Variants in FANCC observed in about 807,000 individuals in gnomAD.
FANCC encodes FA complementation group C, also known as Fanconi anemia group C protein.
A neutral mutation model predicts 71.3 loss-of-function variants in FANCC; 55 were observed. The observed-to-expected ratio is 0.77, with a 90% CI of 0.62 to 0.97. The LOEUF (loss-of-function observed/expected upper bound fraction) is 0.97. FANCC is among the 50% of genes least tolerant of loss of function. The pLI is 0.00. For synonymous variants in FANCC, 275 were observed against 244.9 expected (o/e 1.12, Z -1.15); for missense variants, 678 against 670.9 (o/e 1.01, Z -0.12).
intron 7 of FANCC, 53 bp from the exon 8 acceptor site, chr9:95,135,555 GA>G: frequency 6.4e-7 from 1 of 1,555,978 alleles, no homozygotes; most frequent in Non-Finnish European, 8.8e-7. Flanking sequence ...ACTGAAAAAA[GA>G]AGATTAAAAA....
chr9:95,119,161 A>C (rs961644597), intron 10 of FANCC, among the ~76,000 whole-genome samples: 5 of 152,328 alleles, frequency 3.3e-5, no homozygotes, highest in Admixed American at 3.3e-4. Context: ...GACGCTGAAC[A>C]GTTTTCATGT....
At chr9:95,153,732 G>C (rs990402859) in intron 6 of FANCC, among the ~76,000 whole-genome samples, 1 of 152,254 alleles carries the variant, frequency 6.6e-6, no homozygotes, top group African/African-American at 2.4e-5. Flanking sequence ...CAGATGCATA[G>C]TTTGCAATAT....
intron 4 of FANCC, among the ~76,000 whole-genome samples, chr9:95,228,588 A>C (rs1269431811): frequency 6.6e-6 from 1 of 152,216 alleles, no homozygotes; most frequent in African/African-American, 2.4e-5. Context: ...GGAACATGTA[A>C]CTTAGTTGGG....
chr9:95,171,080 G>A lies in FANCC; in HGVS notation c.520C>T (p.Arg174Ter), dbSNP rs781542763. The A allele has an allele frequency of 7.5e-6, 12 of 1,610,350 alleles. No individual in the cohort carries two copies. The highest frequency in any genetic ancestry group is 1.7e-4 in the Middle Eastern group (1 of 6,044). The change falls in exon 6 of 15, where the codon CGA becomes TGA. Residue 174 changes from arginine to a stop codon, truncating the protein, a stop_gained and splice_region_variant. Transcript: ENST00000289081. LOFTEE classifies it high-confidence loss of function. ...NHLNGFNTQR[R>*]MAPERVASLS... ...AAGGATGTTTAGTTTAACACCTACCGCCTTTGAGTGTTAAATCCATTAAGA... is the reference window on the plus strand; with the variant it reads ...AAGGATGTTTAGTTTAACACCTACCACCTTTGAGTGTTAAATCCATTAAGA...
chr9:95,252,996 CTCTGTGAGCTAGGATA>C (rs1588362144), intron 1 of FANCC, among the ~76,000 whole-genome samples: 2 of 151,406 alleles, frequency 1.3e-5, no homozygotes, highest in Non-Finnish European at 2.9e-5. Flanking sequence ...AGTTCAAGGC[CTCTGTGAGCTAGGATA>C]GCACCACTGC....
At chr9:95,198,700 A>G (rs541967004) in intron 4 of FANCC, among the ~76,000 whole-genome samples, 1 of 152,246 alleles carries the variant, frequency 6.6e-6, no homozygotes, top group South Asian at 2.1e-4. Flanking sequence ...AAGTATTTAC[A>G]CTGGAAATGT....
intron 1 of FANCC, among the ~76,000 whole-genome samples, chr9:95,278,794 A>ATTAAGCGAGCATAAGACTGAAAC (rs141077292): frequency 6.6e-6 from 1 of 151,730 alleles, no homozygotes; most frequent in Non-Finnish European, 1.5e-5. Flanking sequence ...TATCACGGTA[A>ATTAAGCGAGCATAAGACTGAAAC]TTATTCTACG....
intron 1 of FANCC, among the ~76,000 whole-genome samples, chr9:95,276,064 G>A (rs1833020646): frequency 1.3e-5 from 2 of 152,128 alleles, no homozygotes; most frequent in Admixed American, 1.3e-4. Flanking sequence ...TTTCCAGACA[G>A]TGAGAAAAGT....
intron 14 of FANCC, among the ~76,000 whole-genome samples, chr9:95,104,940 G>GCATT (rs753071816): frequency 1.3e-5 from 2 of 152,206 alleles, no homozygotes; most frequent in Admixed American, 6.5e-5. Flanking sequence ...GTGAGAGCAT[G>GCATT]CATTTGTCTC....
chr9:95,212,200 G>A (rs1588289360), intron 4 of FANCC, among the ~76,000 whole-genome samples: 1 of 152,094 alleles, frequency 6.6e-6, no homozygotes, highest in East Asian at 1.9e-4. Flanking sequence ...AGCACTTAAA[G>A]GAATGATAAC....
chr9:95,185,415 C>T (rs1163076659), intron 4 of FANCC, among the ~76,000 whole-genome samples: 1 of 152,102 alleles, frequency 6.6e-6, no homozygotes, highest in Non-Finnish European at 1.5e-5. Context: ...CATCCTTTAG[C>T]GAAGTAATAA....
chr9:95,282,329 G>C (rs1267952346), intron 1 of FANCC, among the ~76,000 whole-genome samples: 1 of 152,090 alleles, frequency 6.6e-6, no homozygotes, highest in Non-Finnish European at 1.5e-5. Flanking sequence ...ATTAATATAT[G>C]ATAATGGGGT....
At chr9:95,260,926 G>T (rs977096056) in intron 1 of FANCC, among the ~76,000 whole-genome samples, 1 of 152,140 alleles carries the variant, frequency 6.6e-6, no homozygotes, top group Non-Finnish European at 1.5e-5. Context: ...AGAGATAACA[G>T]TCCTAGCACT....
chr9:95,156,162 G>A (rs574424286), intron 6 of FANCC, among the ~76,000 whole-genome samples: 1 of 152,260 alleles, frequency 6.6e-6, no homozygotes, highest in East Asian at 1.9e-4. Flanking sequence ...AAAGTAATAT[G>A]AACAAATTCC....
chr9:95,245,255 A>C (rs1830891276), intron 3 of FANCC, among the ~76,000 whole-genome samples: 1 of 152,166 alleles, frequency 6.6e-6, no homozygotes, highest in South Asian at 2.1e-4. Flanking sequence ...ACTTCTGGTC[A>C]AGAAGCATCA....
In FANCC at chr9:95,099,937, C is replaced by G. The variant is rs1458161856; in HGVS notation, c.*1770G>C. On this transcript the variant is annotated 3_prime_UTR_variant, in exon 15 of 15. Transcript: ENST00000289081. ...AAGAGGCCAACCCTGTACACAGGAC[C>G]ACAGGACAGGGTGGAGGACTGTCCC... 4.3e-6 allele frequency: 1 copy of G among 232,602 alleles called. No individual in the cohort carries two copies. Among genetic ancestry groups the G allele is most frequent in the African/African-American group, 2.2e-5 (1 of 45,284 alleles). 14.4% of individuals were successfully genotyped at this position (232,602 alleles called of 1,614,324 possible).
At position 95,306,505 on chromosome 9, in the gene FANCC, G is replaced by A. The variant is rs1026139760; in HGVS notation, c.-79+11021C>T. Among the ~76,000 whole-genome samples, 17 of 152,240 alleles carry A rather than the reference G, an allele frequency of 1.1e-4. No homozygotes were observed. The East Asian group carries it at 3.3e-3, about 29-fold the overall frequency. ...GAAGCTTCAGCCCCCCTTGGACATCGAACTACTGGTGCAACAAAAAGAGCA... is the reference window on the plus strand; with the variant it reads ...GAAGCTTCAGCCCCCCTTGGACATCAAACTACTGGTGCAACAAAAAGAGCA... On this transcript the variant is annotated intron_variant, in intron 1 of 14. Coordinates refer to ENST00000289081, the MANE Select transcript of FANCC (RefSeq NM_000136.3).
intron 4 of FANCC, among the ~76,000 whole-genome samples, chr9:95,233,750 G>C (rs79294066): frequency 8.1e-4 from 123 of 152,324 alleles, no homozygotes; most frequent in African/African-American, 2.9e-3. Context: ...ACTCCAAGTA[G>C]TGCACAAGAT....
rs2071958785 is a variant in FANCC at position 95,111,784 on chromosome 9, A to G, written c.1155-147T>C. 3 of 959,154 alleles carry G rather than the reference A, an allele frequency of 3.1e-6. No homozygotes were observed. In the Admixed American group the frequency reaches 6.0e-5, roughly 19 times the overall value. The allele number at this position is 959,154 out of a possible 1,614,324, so 59.4% of individuals were successfully genotyped here. ...CCTGCAAGGAATACAATTTAGATTC[A>G]GAAAGCCTGTCCAAACGCCACTCTG... On this transcript the variant is annotated intron_variant, in intron 12 of 14. Transcript: ENST00000289081.
Sources: allele counts gnomAD v4.1 joint callset (sites outside exome capture counted in the v4.1 genomes callset), GRCh38; gene constraint gnomAD v4.1.1; transcripts MANE v1.5; gene names NCBI Gene and HGNC (gene_info 2026-07-23, HGNC 2026-07-21).